The following PIAS3 variants were observed in gnomAD, a reference collection of about 807,000 sequenced individuals.
PIAS3 encodes E3 SUMO-protein ligase PIAS3.
PIAS3 carries 34 observed loss-of-function variants against 67.6 expected under a neutral mutation model. The observed-to-expected ratio is 0.50, with a 90% confidence interval of 0.38 to 0.67. PIAS3 has a LOEUF of 0.67. PIAS3 is among the 30% of genes least tolerant of loss of function. The pLI is 0.00. For synonymous variants in PIAS3, 341 were observed against 313.8 expected, an observed-to-expected ratio of 1.09 and a Z score of -0.92; for missense variants, 693 against 791.6, an observed-to-expected ratio of 0.88 and a Z score of 1.49.
At position 145,856,069 on chromosome 1, in the gene PIAS3, T is replaced by C; in HGVS notation, c.577A>G (p.Arg193Gly). The C allele has an allele frequency of 6.2e-7, 1 of 1,613,586 alleles. No individual in the cohort carries two copies. The highest frequency in any genetic ancestry group is 2.2e-5 in the East Asian group (1 of 44,870). ...KCDYTIQVQL[R>G]FCLCETSCPQ... is the part of the protein sequence containing the mutation. ...GATAGGCAGGGAGGATGAACTCACC[T>C]TAGCTGCACCTGTATGGTATAATCA... The change falls in exon 4 of 14, where the codon AGG becomes GGG. Residue 193 changes from arginine (R) to glycine (G), a missense_variant and splice_region_variant. Transcript: ENST00000393045.
chr1:145,850,388 G>C, intron 12 of PIAS3, 65 bp downstream of exon 12: 2 of 1,611,258 alleles, frequency 1.2e-6, no homozygotes, highest in Non-Finnish European at 1.7e-6. Context: ...GAAGGAACAG[G>C]GGTTCTGATG....
At chr1:145,857,412 G>T in intron 1 of PIAS3, 1 of 201,300 alleles carries the variant, frequency 5.0e-6, no homozygotes. Context: ...ACCCATCCCA[G>T]CCTCCTGGGA....
intron 9 of PIAS3, among the ~76,000 whole-genome samples, chr1:145,852,482 G>A (rs1653001328): frequency 6.6e-6 from 1 of 152,082 alleles, no homozygotes; most frequent in South Asian, 2.1e-4. Flanking sequence ...CCTTGAGCAA[G>A]GCTCAATCTC....
At chr1:145,855,280 GA>G (rs781899117) in intron 5 of PIAS3, among the ~76,000 whole-genome samples, 1 of 152,100 alleles carries the variant, frequency 6.6e-6, no homozygotes, top group Non-Finnish European at 1.5e-5. Flanking sequence ...TCAGGAGTTC[GA>G]GACCAGCCTA....
intron 9 of PIAS3, among the ~76,000 whole-genome samples, chr1:145,852,541 G>GT (rs1183731941): frequency 7.5e-4 from 108 of 144,810 alleles, no homozygotes; most frequent in East Asian, 2.8e-3. Flanking sequence ...ATCTCATAGG[G>GT]TTTTTTTTTT....
intron 13 of PIAS3, chr1:145,850,012 G>A: frequency 6.9e-7 from 1 of 1,439,936 alleles, no homozygotes; most frequent in South Asian, 1.5e-5. Context: ...GGGTGAGTAG[G>A]CCAGGGCAGA....
chr1:145,849,629 G>A lies in PIAS3; in HGVS notation c.1704C>T (p.His568=), dbSNP rs1553733633. The change falls in exon 14 of 14, where the codon CAC becomes CAT. Residue 568 remains histidine (H), a synonymous_variant. Coordinates refer to ENST00000393045, the MANE Select transcript of PIAS3 (RefSeq NM_006099.3). ...GCGTGGGGGCCAGTGGGCCCAGAAA[G>A]TGAGAAGGGGTCCCTCGGTACTGGA... is the stretch of plus-strand genomic sequence containing the variant. ...HFFQYRGTPS[H]FLGPLAPTLG... 2 of 1,613,560 alleles carry A rather than the reference G, an allele frequency of 1.2e-6. No individual in the cohort carries two copies. Among genetic ancestry groups the A allele is most frequent in the Admixed American group, 3.3e-5 (2 of 59,940 alleles).
rs781970194 is a variant in PIAS3, at chr1:145,854,584, G to C, written c.805-21C>G. The C allele has an allele frequency of 1.9e-6, 3 of 1,582,006 alleles. No individual in the cohort carries two copies. In the Admixed American group the frequency reaches 5.0e-5, roughly 26 times the overall value. ...TAATTCTACTTGGAGGCAGGGGGTA[G>C]ACAATTAGCCTCTGCTTCTCATACC... On this transcript the variant is annotated intron_variant, in intron 6 of 13. Coordinates refer to ENST00000393045, the MANE Select transcript of PIAS3 (RefSeq NM_006099.3).
Position 145,855,723 on chromosome 1 carries a change from G to C in PIAS3, c.669+13C>G. ...GTAAGGGATTACTGACAGAAGAAGG[G>C]GAGAGCATTTACCGGCAGGGGGCAC... On this transcript the variant is annotated intron_variant, in intron 5 of 13. Coordinates refer to ENST00000393045, the MANE Select transcript of PIAS3 (RefSeq NM_006099.3). 7.0e-7 allele frequency: 1 copy of C among 1,418,472 alleles called. No homozygotes were observed. The highest frequency in any genetic ancestry group is 1.8e-4 in the Middle Eastern group (1 of 5,622). 87.9% of individuals were successfully genotyped at this position (1,418,472 alleles called of 1,614,324 possible).
chr1:145,858,250 C>T (rs1653272200), intron 1 of PIAS3, among the ~76,000 whole-genome samples: 2 of 152,004 alleles, frequency 1.3e-5, no homozygotes, highest in African/African-American at 4.8e-5. Context: ...GAGAAACTTG[C>T]TCCTCTTTCT....
Position 145,850,766 on chromosome 1 carries a change from C to T in PIAS3, c.1448+5G>A, listed in dbSNP as rs1553734105. The T allele has an allele frequency of 2.7e-5, 43 of 1,614,066 alleles. No individual in the cohort carries two copies. The highest frequency in any genetic ancestry group is 3.6e-5 in the Non-Finnish European group (43 of 1,179,956). On this transcript the variant is annotated splice_donor_5th_base_variant and intron_variant, in intron 11 of 13. Transcript: ENST00000393045. ...TTGCTGTAGACTCAGCCTATTTTCT[C>T]ATACCCTTTGCTTCCAGGTAGGGCC... is the stretch of plus-strand genomic sequence containing the variant.
Position 145,848,550 on chromosome 1 carries a change from G to C in PIAS3, c.*896C>G. ...CATTCACAACCTTTATTATGGGTGA[G>C]AGCTTCACTACAACTTTAGAAATAA... On this transcript the variant is annotated 3_prime_UTR_variant, in exon 14 of 14. Coordinates refer to ENST00000393045, the MANE Select transcript of PIAS3 (RefSeq NM_006099.3). 9.8e-7 allele frequency: 1 copy of C among 1,024,214 alleles called. No individual in the cohort carries two copies. Among genetic ancestry groups the C allele is most frequent in the East Asian group, 2.4e-5 (1 of 42,002 alleles). 63.4% of individuals were successfully genotyped at this position (1,024,214 alleles called of 1,614,324 possible). A position where few individuals can be genotyped will look rare whatever the true frequency, so the allele number is the denominator to read the frequency against.
chr1:145,850,345 GTGGCCCCT>G, intron 12 of PIAS3, 76 bp from the exon 13 acceptor site: 1 of 1,612,564 alleles, frequency 6.2e-7, no homozygotes. Context: ...ACTGTGGACT[GTGGCCCCT>G]TGCAGGAGAA....
chr1:145,853,447 A>AC, intron 9 of PIAS3, 57 bp downstream of exon 9: 1 of 1,270,636 alleles, frequency 7.9e-7, no homozygotes, highest in Non-Finnish European at 1.1e-6. Context: ...AAAAGAAATA[A>AC]CCAAGAAAAG....
intron 1 of PIAS3, 73 bp from the exon 2 acceptor site, chr1:145,857,079 T>C: frequency 1.5e-6 from 2 of 1,365,496 alleles, no homozygotes; most frequent in South Asian, 1.3e-5. Context: ...TGGGCTGAGC[T>C]ACCAGGTGGG....
chr1:145,856,689 G>A lies in PIAS3; in HGVS notation c.342C>T (p.Asp114=). Residue 114 remains aspartate (D), a synonymous_variant, in exon 2 of 14, where the codon GAC becomes GAT. Coordinates refer to ENST00000393045, the MANE Select transcript of PIAS3 (RefSeq NM_006099.3). ...GTLLGPKREV[D]MHPPLPQPVH... is the part of the protein sequence containing the mutation. ...CAGGCTGGGGCAGAGGGGGGTGCAT[G>A]TCCACCTCACGCTTGGGGCCCAGCA... 6.2e-7 allele frequency: 1 copy of A among 1,610,854 alleles called. No individual in the cohort carries two copies. The highest frequency in any genetic ancestry group is 8.5e-7 in the Non-Finnish European group (1 of 1,177,754).
chr1:145,853,419 A>AAAAG (rs1653037365), intron 9 of PIAS3, 85 bp downstream of exon 9: 1,263 of 1,161,932 alleles, frequency 1.1e-3, no homozygotes, highest in Non-Finnish European at 1.3e-3. Flanking sequence ...CAAAAAAAAA[A>AAAAG]AAAAGAAAAG....
rs368812967 is a variant in PIAS3 at position 145,850,942 on chromosome 1, G to T, written c.1280-3C>A. The T allele has an allele frequency of 2.4e-4, 382 of 1,614,028 alleles. No homozygotes were observed. The highest frequency in any genetic ancestry group is 3.1e-4 in the Non-Finnish European group (364 of 1,180,008). On this transcript the variant is annotated splice_region_variant and splice_polypyrimidine_tract_variant and intron_variant, in intron 10 of 13. Transcript: ENST00000393045. Reference sequence around the variant, plus strand: ...CTGGACTGGGCTGTACTGGAGGCCTGTGGGTATTAAGAAGACTACGTCTCA... The same window carrying T: ...CTGGACTGGGCTGTACTGGAGGCCTTTGGGTATTAAGAAGACTACGTCTCA...
intron 5 of PIAS3, among the ~76,000 whole-genome samples, chr1:145,855,495 A>C (rs1158983836): frequency 6.6e-6 from 1 of 151,736 alleles, no homozygotes; most frequent in Non-Finnish European, 1.5e-5. Context: ...AAAAAAAAAA[A>C]CAAAAAAGAA....
Sources: gnomAD v4.1 joint callset for allele counts (sites outside exome capture counted in the v4.1 genomes callset) on GRCh38, gnomAD v4.1.1 for gene constraint, MANE v1.5 for transcripts, NCBI Gene and HGNC (gene_info 2026-07-23, HGNC 2026-07-21) for gene names.